Variants in GABRG3 observed in about 807,000 individuals in gnomAD.
GABRG3 encodes gamma-aminobutyric acid receptor subunit gamma-3.
GABRG3 carries 25 observed loss-of-function variants against 48.8 expected under a neutral mutation model. The observed-to-expected ratio is 0.51, with a 90% confidence interval of 0.37 to 0.72. GABRG3 has a LOEUF of 0.72. Among genes scored for constraint, GABRG3 ranks in the 30% least tolerant of loss-of-function variants. The pLI, the probability that GABRG3 is intolerant of heterozygous loss-of-function variation, is 0.00. For synonymous variants in GABRG3, 227 were observed against 217.6 expected, an observed-to-expected ratio of 1.04 and a Z score of -0.38; for missense variants, 394 against 577.9, an observed-to-expected ratio of 0.68 and a Z score of 3.26.
intron 3 of GABRG3, among the ~76,000 whole-genome samples, chr15:27,160,608 CTTAGGATG>C (rs1295512881): frequency 6.6e-6 from 1 of 151,654 alleles, no homozygotes; most frequent in African/African-American, 2.4e-5. Context: ...CTTTCTAATA[CTTAGGATG>C]TTTCTTTTTT....
chr15:27,503,942 G>A (rs1262895048), intron 6 of GABRG3, among the ~76,000 whole-genome samples: 1 of 151,922 alleles, frequency 6.6e-6, no homozygotes, highest in African/African-American at 2.4e-5. Context: ...TATCTGTTGT[G>A]GTGTTCTTTG....
At chr15:27,388,155 GAA>G (rs1896034775) in intron 5 of GABRG3, among the ~76,000 whole-genome samples, 1 of 77,292 alleles carries the variant, frequency 1.3e-5, no homozygotes, top group African/African-American at 7.8e-5. Flanking sequence ...AGGAAGGAAG[GAA>G]GAAAGGAAGG....
intron 3 of GABRG3, among the ~76,000 whole-genome samples, chr15:27,243,183 AC>A (rs1890179160): frequency 6.6e-6 from 1 of 152,174 alleles, no homozygotes; most frequent in Admixed American, 6.5e-5. Flanking sequence ...TCTTATAATC[AC>A]TAGAAAAATA....
In GABRG3 at chr15:27,033,538, C is replaced by T. The variant is rs548308544; in HGVS notation, c.270+6717C>T. Among the ~76,000 whole-genome samples the T allele has an allele frequency of 4.6e-5, 7 of 152,026 alleles. No individual in the cohort carries two copies. The South Asian group carries it at 1.0e-3, about 23-fold the overall frequency. On this transcript the variant is annotated intron_variant, in intron 3 of 9. Coordinates refer to ENST00000615808, the MANE Select transcript of GABRG3 (RefSeq NM_033223.5). The stretch of plus-strand genomic sequence containing the variant: ...ACCTCCTGAACTGCCTTCAGGTTAG[C>T]GAATAAGAGGATTTTCTAGGGTCCA...
At chr15:27,260,284 C>T (rs1455430469) in intron 3 of GABRG3, among the ~76,000 whole-genome samples, 3 of 152,022 alleles carry the variant, frequency 2.0e-5, no homozygotes, top group African/African-American at 7.2e-5. Flanking sequence ...TCAGGCAGTC[C>T]CCATCTATTT....
chr15:27,471,421 C>T (rs1889784519), intron 5 of GABRG3, among the ~76,000 whole-genome samples: 1 of 152,198 alleles, frequency 6.6e-6, no homozygotes. Context: ...TTTAACTACA[C>T]CTACATCTTA....
intron 3 of GABRG3, among the ~76,000 whole-genome samples, chr15:27,212,238 A>C (rs895590258): frequency 1.3e-5 from 2 of 152,216 alleles, no homozygotes; most frequent in African/African-American, 4.8e-5. Context: ...AAACAGTGGC[A>C]TACATGTAAT....
chr15:27,224,213 C>T (rs1595596649), intron 3 of GABRG3, among the ~76,000 whole-genome samples: 1 of 152,198 alleles, frequency 6.6e-6, no homozygotes, highest in East Asian at 1.9e-4. Context: ...CCGGTGCTTT[C>T]CGTGTGTGCC....
Position 27,418,426 on chromosome 15 carries a change from C to T in GABRG3, c.575-62224C>T, listed in dbSNP as rs139784783. ...TTGACCCCTTTGCACCTGAGCTCCTCCATTCATAATGTGAGGAGGGAGTTA... is the reference window on the plus strand; with the variant it reads ...TTGACCCCTTTGCACCTGAGCTCCTTCATTCATAATGTGAGGAGGGAGTTA... On this transcript the variant is annotated intron_variant, in intron 5 of 9. Transcript: ENST00000615808. Among the ~76,000 whole-genome samples, 896 of 152,350 alleles carry T rather than the reference C, an allele frequency of 5.9e-3. 13 individuals carry two copies. The highest frequency in any genetic ancestry group is 0.02 in the African/African-American group (840 of 41,592).
intron 3 of GABRG3, among the ~76,000 whole-genome samples, chr15:27,071,869 C>G (rs369065557): frequency 1.3e-5 from 2 of 152,208 alleles, no homozygotes; most frequent in African/African-American, 4.8e-5. Flanking sequence ...GCAGTTATTA[C>G]TTGATTAGTT....
intron 3 of GABRG3, among the ~76,000 whole-genome samples, chr15:27,092,485 T>C (rs1351323110): frequency 1.3e-5 from 2 of 152,206 alleles, no homozygotes; most frequent in East Asian, 1.9e-4. Context: ...TGCTGTCAGG[T>C]AGCTGCTGTG....
chr15:27,296,513 A>G (rs1306876111), intron 3 of GABRG3, among the ~76,000 whole-genome samples: 1 of 152,200 alleles, frequency 6.6e-6, no homozygotes, highest in East Asian at 1.9e-4. Flanking sequence ...CTATACGTAT[A>G]AATAGTCATG....
At chr15:27,222,162 T>G (rs1000686710) in intron 3 of GABRG3, among the ~76,000 whole-genome samples, 1 of 152,178 alleles carries the variant, frequency 6.6e-6, no homozygotes, top group Non-Finnish European at 1.5e-5. Flanking sequence ...GCTTTGTGAG[T>G]GCTACACCTG....
At chr15:27,304,357 A>G (rs1468249383) in intron 3 of GABRG3, among the ~76,000 whole-genome samples, 1 of 152,040 alleles carries the variant, frequency 6.6e-6, no homozygotes, top group Non-Finnish European at 1.5e-5. Context: ...AAGTTAGTAA[A>G]TCACAGGATA....
intron 3 of GABRG3, among the ~76,000 whole-genome samples, chr15:27,136,483 G>A (rs932239707): frequency 1.3e-5 from 2 of 152,076 alleles, no homozygotes; most frequent in South Asian, 2.1e-4. Context: ...CTTAATCCAT[G>A]TATCTTCTGT....
intron 3 of GABRG3, among the ~76,000 whole-genome samples, chr15:27,253,154 T>A (rs1371421688): frequency 6.6e-6 from 1 of 152,092 alleles, no homozygotes; most frequent in Non-Finnish European, 1.5e-5. Context: ...ACTGCTGGAG[T>A]GTGTGTCTGT....
chr15:27,517,507 G>C (rs890637059), intron 6 of GABRG3, among the ~76,000 whole-genome samples: 3 of 152,214 alleles, frequency 2.0e-5, no homozygotes, highest in African/African-American at 7.2e-5. Context: ...CTCACCCCAG[G>C]CAGGGAGAAA....
intron 3 of GABRG3, among the ~76,000 whole-genome samples, chr15:27,177,307 C>T (rs190986772): frequency 6.6e-5 from 10 of 152,258 alleles, no homozygotes; most frequent in South Asian, 4.2e-4. Flanking sequence ...TTAGGTTTTA[C>T]GATAGTGTTG....
chr15:27,414,318 T>C (rs554405037), intron 5 of GABRG3, among the ~76,000 whole-genome samples: 2 of 152,224 alleles, frequency 1.3e-5, no homozygotes, highest in East Asian at 3.9e-4. Context: ...TTCCGTGCTG[T>C]TATTGTGCTC....
Sources: allele counts gnomAD v4.1 joint callset (sites outside exome capture counted in the v4.1 genomes callset), GRCh38; gene constraint gnomAD v4.1.1; transcripts MANE v1.5; gene names NCBI Gene and HGNC (gene_info 2026-07-23, HGNC 2026-07-21).